SEMA3A: variants seen among roughly 807,000 people sequenced by gnomAD.
SEMA3A encodes semaphorin-3A.
Under a neutral mutation model 97.9 loss-of-function variants are expected in SEMA3A, and 29 were observed. The observed-to-expected ratio is 0.30, with a 90% CI of 0.22 to 0.40. The LOEUF (loss-of-function observed/expected upper bound fraction) is 0.40, where lower values mean the gene tolerates loss of function less well. SEMA3A is among the 10% of genes least tolerant of loss of function. The probability of loss-of-function intolerance (pLI) is 1.00; values close to 1 mark genes in which losing one functional copy is unlikely to be tolerated. For missense variants in SEMA3A, 763 were observed against 951.3 expected (o/e 0.80, Z 2.60); for synonymous variants, 321 against 323.7 (o/e 0.99, Z 0.09).
intron 3 of SEMA3A, among the ~76,000 whole-genome samples, chr7:84,203,522 A>ATTTTT (rs1266870104): frequency 6.0e-4 from 26 of 43,610 alleles, no homozygotes; most frequent in African/African-American, 9.0e-4. Context: ...ATATATATAT[A>ATTTTT]TATATTTTTT....
chr7:84,424,423 TA>T (rs1804688164), intron 1 of SEMA3A, among the ~76,000 whole-genome samples: 1 of 129,612 alleles, frequency 7.7e-6, no homozygotes, highest in Admixed American at 9.3e-5. Context: ...AATATATTGT[TA>T]TAAATATAAA....
chr7:84,482,197 T>C (rs1806464164), intron 1 of SEMA3A, among the ~76,000 whole-genome samples: 1 of 152,114 alleles, frequency 6.6e-6, no homozygotes, highest in African/African-American at 2.4e-5. Context: ...GTAAGAAGTG[T>C]GTAAGTGCTA....
At chr7:84,211,405 G>T (rs1319054189) in intron 3 of SEMA3A, among the ~76,000 whole-genome samples, 1 of 151,456 alleles carries the variant, frequency 6.6e-6, no homozygotes, top group Non-Finnish European at 1.5e-5. Context: ...GAGGTCAGGA[G>T]TTCGAGACCA....
At chr7:84,018,441 T>A (rs1791190042) in intron 6 of SEMA3A, among the ~76,000 whole-genome samples, 2 of 152,184 alleles carry the variant, frequency 1.3e-5, no homozygotes, top group East Asian at 1.9e-4. Context: ...AAGGTAAAAT[T>A]TTTTTGTCTA....
intron 3 of SEMA3A, among the ~76,000 whole-genome samples, chr7:84,214,568 A>T (rs1164741660): frequency 6.6e-6 from 1 of 152,150 alleles, no homozygotes; most frequent in African/African-American, 2.4e-5. Context: ...CTCACCTCAG[A>T]AGAGTTCCTA....
intron 3 of SEMA3A, among the ~76,000 whole-genome samples, chr7:84,245,157 C>T (rs1463279547): frequency 1.3e-5 from 2 of 152,088 alleles, no homozygotes; most frequent in Non-Finnish European, 2.9e-5. Context: ...TGGGGAAGTT[C>T]TCCTGGATAA....
At chr7:84,298,171 T>G (rs779957752) in intron 3 of SEMA3A, among the ~76,000 whole-genome samples, 3 of 152,126 alleles carry the variant, frequency 2.0e-5, no homozygotes, top group Non-Finnish European at 2.9e-5. Context: ...CTCAGGAAAT[T>G]ATTTCTTCTG....
Position 84,194,743 on chromosome 7 carries a change from C to T in SEMA3A, c.-157G>A, listed in dbSNP as rs966465438. 31 of 468,036 alleles carry T rather than the reference C, an allele frequency of 6.6e-5. No individual in the cohort carries two copies. Among genetic ancestry groups the T allele is most frequent in the Non-Finnish European group, 1.1e-4 (30 of 263,404 alleles). 29.0% of individuals were successfully genotyped at this position (468,036 alleles called of 1,614,324 possible). ...TCAAGACCTCATGGCAACACTAACA[C>T]CTCTTCTTCTGTAACAGTCACTGAA... On this transcript the variant is annotated 5_prime_UTR_variant, in exon 1 of 17. In the 5' UTR this introduces an upstream ATG that the reference lacks. Coordinates refer to ENST00000265362, the MANE Select transcript of SEMA3A (RefSeq NM_006080.3).
In SEMA3A at chr7:84,086,690, G is replaced by GTA. The variant is rs1041367944; in HGVS notation, c.453+23778_453+23779dup. ...ATATATGTATATATATGGAATATAT[G>GTA]TATATATATGGAACATCATATATAT... On this transcript the variant is annotated intron_variant, in intron 4 of 16. Coordinates refer to ENST00000265362, the MANE Select transcript of SEMA3A (RefSeq NM_006080.3). 2.6e-4 allele frequency among the ~76,000 whole-genome samples: 38 copies of GTA among 147,308 alleles called. 1 individual carries two copies. Among genetic ancestry groups the GTA allele is most frequent in the African/African-American group, 7.5e-4 (30 of 39,804 alleles).
chr7:84,190,421 G>A (rs535248363), intron 1 of SEMA3A, among the ~76,000 whole-genome samples: 1 of 151,534 alleles, frequency 6.6e-6, no homozygotes, highest in African/African-American at 2.4e-5. Context: ...GAGAAGAAAA[G>A]GTCATCCAAA....
chr7:84,178,146 T>C (rs1329066386), intron 1 of SEMA3A, among the ~76,000 whole-genome samples: 1 of 152,176 alleles, frequency 6.6e-6, no homozygotes, highest in African/African-American at 2.4e-5. Context: ...TTTACCTAAT[T>C]GCCCACACTA....
chr7:83,992,215 C>A (rs1317809031), intron 12 of SEMA3A, among the ~76,000 whole-genome samples: 1 of 150,766 alleles, frequency 6.6e-6, no homozygotes, highest in Non-Finnish European at 1.5e-5. Flanking sequence ...CTCTTTTTTT[C>A]TTTATTAGTC....
intron 3 of SEMA3A, among the ~76,000 whole-genome samples, chr7:84,124,824 A>G (rs1795742223): frequency 6.6e-6 from 1 of 152,086 alleles, no homozygotes; most frequent in Non-Finnish European, 1.5e-5. Flanking sequence ...AATGCCATGA[A>G]TCATCTTGAA....
intron 3 of SEMA3A, chr7:84,307,072 A>G (rs1801178164): frequency 6.6e-6 from 1 of 152,150 alleles, no homozygotes; most frequent in Non-Finnish European, 1.5e-5. Context: ...AGAAGACTAT[A>G]TAAACAAAAA....
intron 6 of SEMA3A, among the ~76,000 whole-genome samples, chr7:84,024,484 TGCAGTGTGCTGAGACC>T (rs60082927): frequency 0.7 from 105,313 of 151,526 alleles, 36,739 homozygotes; most frequent in Middle Eastern, 0.77. Flanking sequence ...AGGCGGAGGT[TGCAGTGTGCTGAGACC>T]GCACCACTGC....
intron 2 of SEMA3A, among the ~76,000 whole-genome samples, chr7:84,344,491 G>A (rs1167661827): frequency 6.6e-6 from 1 of 152,182 alleles, no homozygotes; most frequent in African/African-American, 2.4e-5. Context: ...TTTTTACTGA[G>A]TTGAGGATAT....
At chr7:84,104,880 A>T (rs1795062656) in intron 4 of SEMA3A, among the ~76,000 whole-genome samples, 1 of 152,222 alleles carries the variant, frequency 6.6e-6, no homozygotes, top group Non-Finnish European at 1.5e-5. Flanking sequence ...ATGGTACTTT[A>T]TTAAGCATAG....
At chr7:84,106,558 G>A (rs2115923586) in intron 4 of SEMA3A, among the ~76,000 whole-genome samples, 1 of 152,296 alleles carries the variant, frequency 6.6e-6, no homozygotes, top group East Asian at 1.9e-4. Flanking sequence ...TGCCTGAAGA[G>A]TAAAAGAGGT....
chr7:83,992,906 T>A (rs900790998), intron 12 of SEMA3A, among the ~76,000 whole-genome samples: 4 of 151,626 alleles, frequency 2.6e-5, no homozygotes, highest in African/African-American at 7.3e-5. Context: ...CTGTCTAATG[T>A]TGACACTGGG....
Sources: allele counts gnomAD v4.1 joint callset (sites outside exome capture counted in the v4.1 genomes callset), GRCh38; gene constraint gnomAD v4.1.1; transcripts MANE v1.5; gene names NCBI Gene and HGNC (gene_info 2026-07-23, HGNC 2026-07-21).